TCERG1L: variants seen among roughly 807,000 people sequenced by gnomAD.
TCERG1L encodes transcription elongation regulator 1 like.
TCERG1L carries 37 observed loss-of-function variants against 56.3 expected under a neutral mutation model. The observed-to-expected ratio is 0.66, with a 90% CI of 0.51 to 0.87. The LOEUF (loss-of-function observed/expected upper bound fraction) is 0.87. Among genes scored for constraint, TCERG1L ranks in the 40% least tolerant of loss-of-function variants. The pLI is 0.00. For synonymous variants in TCERG1L, 324 were observed against 326.3 expected, an observed-to-expected ratio of 0.99 and a Z score of 0.08; for missense variants, 799 against 774.2, an observed-to-expected ratio of 1.03 and a Z score of -0.38.
intron 3 of TCERG1L, among the ~76,000 whole-genome samples, chr10:131,279,355 C>T (rs553635399): frequency 5.0e-4 from 76 of 152,286 alleles, no homozygotes; most frequent in African/African-American, 1.8e-3. Context: ...CAGTGCCATG[C>T]GTTGCCTGCA....
In TCERG1L at chr10:131,234,705, T is replaced by G. The variant is rs201397633; in HGVS notation, c.856+25554A>C. On this transcript the variant is annotated intron_variant, in intron 4 of 11. Coordinates refer to ENST00000368642, the MANE Select transcript of TCERG1L (RefSeq NM_174937.4). ...GTTGTCGTTGTTTGTTTGTTTTGTTTTGTTGTGTTTTTTTGAGACGGAGTC... is the reference window on the plus strand; with the variant it reads ...GTTGTCGTTGTTTGTTTGTTTTGTTGTGTTGTGTTTTTTTGAGACGGAGTC... Among the ~76,000 whole-genome samples the G allele has an allele frequency of 3.4e-4, 51 of 150,398 alleles. 1 individual carries two copies. The East Asian group carries it at 7.6e-3, about 22-fold the overall frequency.
intron 4 of TCERG1L, among the ~76,000 whole-genome samples, chr10:131,209,371 C>T (rs369812172): frequency 6.6e-6 from 1 of 152,242 alleles, no homozygotes; most frequent in African/African-American, 2.4e-5. Flanking sequence ...ACGTGGACCA[C>T]GTTTACTGAT....
At chr10:131,162,989 G>T (rs145703838) in intron 6 of TCERG1L, 133 bp downstream of exon 6, 2 of 637,932 alleles carry the variant, frequency 3.1e-6, no homozygotes, top group East Asian at 5.9e-5. Context: ...TACACCTGCC[G>T]GGAGTTGCAA....
At chr10:131,153,810 A>G (rs1845891637) in intron 6 of TCERG1L, among the ~76,000 whole-genome samples, 2 of 152,182 alleles carry the variant, frequency 1.3e-5, no homozygotes, top group South Asian at 4.1e-4. Flanking sequence ...GTAAGAGATT[A>G]CACCCAGGAG....
chr10:131,259,516 C>T (rs1425885833), intron 4 of TCERG1L, among the ~76,000 whole-genome samples: 3 of 152,162 alleles, frequency 2.0e-5, no homozygotes, highest in South Asian at 2.1e-4. Flanking sequence ...GGTCACGAAG[C>T]GTGCAGGTTA....
intron 4 of TCERG1L, among the ~76,000 whole-genome samples, chr10:131,212,277 A>G (rs1370859043): frequency 6.6e-6 from 1 of 152,244 alleles, no homozygotes; most frequent in Non-Finnish European, 1.5e-5. Flanking sequence ...TGATTCTGCA[A>G]GGCTGTGACA....
chr10:131,196,693 G>C (rs970890313), intron 4 of TCERG1L, among the ~76,000 whole-genome samples: 1 of 152,294 alleles, frequency 6.6e-6, no homozygotes, highest in East Asian at 1.9e-4. Flanking sequence ...CCGCTTTCTT[G>C]CTGCCTTAAC....
chr10:131,240,474 C>T (rs751886453), intron 4 of TCERG1L, among the ~76,000 whole-genome samples: 34 of 152,178 alleles, frequency 2.2e-4, no homozygotes, highest in Non-Finnish European at 4.7e-4. Context: ...ATCTGACCAT[C>T]CAAAGCACCG....
At chr10:131,187,540 A>G (rs1051619122) in intron 4 of TCERG1L, among the ~76,000 whole-genome samples, 1 of 152,126 alleles carries the variant, frequency 6.6e-6, no homozygotes, top group Admixed American at 6.5e-5. Flanking sequence ...GTGCTTGAAA[A>G]TGGGGCAGAT....
chr10:131,191,401 C>T (rs1455095577), intron 4 of TCERG1L, among the ~76,000 whole-genome samples: 3 of 143,324 alleles, frequency 2.1e-5, no homozygotes, highest in African/African-American at 5.3e-5. Context: ...CATATGGAAC[C>T]AAAAAAGAGC....
chr10:131,168,132 C>T (rs556796861), intron 4 of TCERG1L, among the ~76,000 whole-genome samples: 3 of 152,280 alleles, frequency 2.0e-5, no homozygotes, highest in Non-Finnish European at 4.4e-5. Flanking sequence ...GGGGAATTAA[C>T]GTAAATCACT....
intron 6 of TCERG1L, among the ~76,000 whole-genome samples, chr10:131,158,322 T>C (rs1028159497): frequency 2.0e-5 from 3 of 152,250 alleles, no homozygotes; most frequent in African/African-American, 7.2e-5. Context: ...GAGTTTCACC[T>C]TTGAAAGTGA....
chr10:131,170,457 G>A (rs1017711752), intron 4 of TCERG1L, among the ~76,000 whole-genome samples: 9 of 151,892 alleles, frequency 5.9e-5, no homozygotes, highest in African/African-American at 1.7e-4. Context: ...GAGGCACGGC[G>A]GTAATACCTT....
chr10:131,183,030 A>T (rs1845197966), intron 4 of TCERG1L, among the ~76,000 whole-genome samples: 1 of 152,210 alleles, frequency 6.6e-6, no homozygotes, highest in Non-Finnish European at 1.5e-5. Context: ...TGCACAATCC[A>T]ATTTGGGTTG....
chr10:131,205,396 A>G (rs1190953745), intron 4 of TCERG1L, among the ~76,000 whole-genome samples: 2 of 152,250 alleles, frequency 1.3e-5, no homozygotes, highest in African/African-American at 4.8e-5. Context: ...TAAAATCAAA[A>G]AGTGAGAGAA....
At chr10:131,202,576 A>G (rs150173689) in intron 4 of TCERG1L, among the ~76,000 whole-genome samples, 6,764 of 152,190 alleles carry the variant, frequency 0.044, 507 homozygotes, top group African/African-American at 0.15. Flanking sequence ...GCAAGACTCC[A>G]TCTCCAAAAA....
intron 2 of TCERG1L, 107 bp from the exon 3 acceptor site, chr10:131,308,498 A>C: frequency 2.2e-6 from 2 of 907,592 alleles, no homozygotes; most frequent in Non-Finnish European, 3.4e-6. Flanking sequence ...AACATTGAAC[A>C]TTCTATTATT....
chr10:131,152,436 G>A (rs11017769), intron 6 of TCERG1L, among the ~76,000 whole-genome samples: 30,711 of 152,080 alleles, frequency 0.2, 3,459 homozygotes, highest in East Asian at 0.35. Flanking sequence ...ACCTCAGCCT[G>A]GACTTCATTG....
chr10:131,168,420 G>A (rs1373299041), intron 4 of TCERG1L, among the ~76,000 whole-genome samples: 1 of 152,218 alleles, frequency 6.6e-6, no homozygotes, highest in African/African-American at 2.4e-5. Context: ...TGCGGCTGCA[G>A]AGCCAGGTGG....
Sources: gnomAD v4.1 joint callset for allele counts (sites outside exome capture counted in the v4.1 genomes callset) on GRCh38, gnomAD v4.1.1 for gene constraint, MANE v1.5 for transcripts, NCBI Gene and HGNC (gene_info 2026-07-23, HGNC 2026-07-21) for gene names.